Variants in LMBRD2 observed in about 807,000 individuals in gnomAD.
The protein encoded by LMBRD2 is G protein-coupled receptor-associated protein LMBRD2.
Under a neutral mutation model 94.4 loss-of-function variants are expected in LMBRD2, and 55 were observed. The observed-to-expected ratio is 0.58, with a 90% CI of 0.47 to 0.73. The LOEUF (loss-of-function observed/expected upper bound fraction) is 0.73, where lower values mean the gene tolerates loss of function less well. Among genes scored for constraint, LMBRD2 ranks in the 30% least tolerant of loss-of-function variants. The pLI, the probability that LMBRD2 is intolerant of heterozygous loss-of-function variation, is 0.00. For synonymous variants in LMBRD2, 246 were observed against 272.4 expected, an observed-to-expected ratio of 0.90 and a Z score of 0.95; for missense variants, 640 against 831.9, an observed-to-expected ratio of 0.77 and a Z score of 2.84.
intron 5 of LMBRD2, 75 bp downstream of exon 5, chr5:36,137,199 C>T: frequency 1.0e-6 from 1 of 954,532 alleles, no homozygotes; most frequent in Non-Finnish European, 1.5e-6. Flanking sequence ...TTTACCTGCA[C>T]ATATGAAATT....
At chr5:36,117,223 C>A (rs1032754739) in intron 10 of LMBRD2, among the ~76,000 whole-genome samples, 1 of 152,100 alleles carries the variant, frequency 6.6e-6, no homozygotes, top group Non-Finnish European at 1.5e-5. Flanking sequence ...ATTCCCAGGG[C>A]CAAGTGTGAT....
intron 1 of LMBRD2, chr5:36,148,059 C>A: frequency 1.1e-5 from 2 of 187,928 alleles, no homozygotes; most frequent in Non-Finnish European, 2.5e-5. Flanking sequence ...AACTCAAAAT[C>A]CTAATTATGA....
chr5:36,104,229 A>G, intron 17 of LMBRD2, 123 bp from the exon 18 acceptor site: 1 of 708,962 alleles, frequency 1.4e-6, no homozygotes, highest in Non-Finnish European at 2.5e-6. Context: ...TCTAGTCAGT[A>G]GCTGAAAGCA....
intron 9 of LMBRD2, among the ~76,000 whole-genome samples, chr5:36,118,835 A>T (rs1490511067): frequency 6.6e-6 from 1 of 151,806 alleles, no homozygotes; most frequent in Non-Finnish European, 1.5e-5. Context: ...TATTTTTATT[A>T]GACACGTGCC....
rs1214896629 is a variant in LMBRD2, at chr5:36,104,043, ACTTTAAACATCATTAAATATGT to A, written c.2069_*2del. 1 of 1,608,980 alleles carries A rather than the reference ACTTTAAACATCATTAAATATGT, an allele frequency of 6.2e-7. No individual in the cohort carries two copies. On this transcript the variant is annotated stop_lost and 3_prime_UTR_variant, in exon 18 of 18. Coordinates refer to ENST00000296603, the MANE Select transcript of LMBRD2 (RefSeq NM_001007527.2). ...TTAGTGGTCCCACAAACTTTTTCAG[ACTTTAAACATCATTAAATATGT>A]CACTGCGAGACATCGAGAGATATCG...
At chr5:36,143,503 C>G (rs1744466601) in intron 1 of LMBRD2, 97 bp from the exon 2 acceptor site, 1 of 484,162 alleles carries the variant, frequency 2.1e-6, no homozygotes, top group Non-Finnish European at 3.6e-6. Flanking sequence ...ATACATTAAT[C>G]AACTCTTTGG....
intron 4 of LMBRD2, among the ~76,000 whole-genome samples, chr5:36,138,532 T>TG (rs1451671183): frequency 2.0e-5 from 3 of 152,186 alleles, no homozygotes; most frequent in African/African-American, 7.2e-5. Context: ...GTCAGAATCA[T>TG]GGTTACTTCT....
At chr5:36,112,013 TAC>T (rs910437884) in intron 13 of LMBRD2, among the ~76,000 whole-genome samples, 1 of 151,678 alleles carries the variant, frequency 6.6e-6, no homozygotes, top group African/African-American at 2.4e-5. Context: ...GATGTACTTC[TAC>T]ACAGAGAGGG....
chr5:36,128,967 A>G (rs1397424287), intron 6 of LMBRD2, among the ~76,000 whole-genome samples: 1 of 152,258 alleles, frequency 6.6e-6, no homozygotes, highest in African/African-American at 2.4e-5. Context: ...TGAAGAATGC[A>G]TGAGAGTATC....
At chr5:36,132,026 A>G (rs537868041) in intron 6 of LMBRD2, among the ~76,000 whole-genome samples, 3 of 152,316 alleles carry the variant, frequency 2.0e-5, no homozygotes, top group African/African-American at 7.2e-5. Flanking sequence ...TTGAGTAAAA[A>G]GTGCAAAACT....
intron 2 of LMBRD2, 77 bp from the exon 3 acceptor site, chr5:36,142,676 A>C: frequency 1.2e-6 from 1 of 807,830 alleles, no homozygotes; most frequent in African/African-American, 1.7e-5. Context: ...GAGTTTATAA[A>C]TCTATCTATC....
At chr5:36,116,986 C>G (rs931664118) in intron 10 of LMBRD2, among the ~76,000 whole-genome samples, 1 of 152,024 alleles carries the variant, frequency 6.6e-6, no homozygotes, top group African/African-American at 2.4e-5. Context: ...GCCTTCATTT[C>G]TAGCTAACAT....
intron 1 of LMBRD2, among the ~76,000 whole-genome samples, chr5:36,149,736 G>A (rs1284412787): frequency 2.0e-5 from 3 of 152,060 alleles, no homozygotes; most frequent in Admixed American, 6.6e-5. Context: ...CAGAAACCCC[G>A]TCTCCACTAA....
intron 1 of LMBRD2, among the ~76,000 whole-genome samples, chr5:36,148,349 G>A (rs1257362401): frequency 3.3e-5 from 5 of 151,960 alleles, no homozygotes; most frequent in Non-Finnish European, 7.4e-5. Flanking sequence ...AAGCCCCTGA[G>A]GACAGTGGCA....
At chr5:36,131,585 C>G (rs1434854705) in intron 6 of LMBRD2, among the ~76,000 whole-genome samples, 1 of 152,036 alleles carries the variant, frequency 6.6e-6, no homozygotes, top group Non-Finnish European at 1.5e-5. Flanking sequence ...TTGGAAAAAC[C>G]TAAAAACTCC....
At chr5:36,121,953 G>T (rs1373104438) in intron 9 of LMBRD2, among the ~76,000 whole-genome samples, 8 of 152,056 alleles carry the variant, frequency 5.3e-5, no homozygotes, top group Non-Finnish European at 8.8e-5. Context: ...TGATGAAATT[G>T]CCTAACAATA....
intron 15 of LMBRD2, among the ~76,000 whole-genome samples, chr5:36,109,506 C>G (rs1355186354): frequency 6.6e-6 from 1 of 151,740 alleles, no homozygotes; most frequent in African/African-American, 2.4e-5. Flanking sequence ...TCATTTTTTG[C>G]CTTTTCATTT....
In LMBRD2 at chr5:36,100,143, TAAGAA is replaced by T. The variant is rs1483447674; in HGVS notation, c.*3898_*3902del. On this transcript the variant is annotated 3_prime_UTR_variant, in exon 18 of 18. Transcript: ENST00000296603. ...CCTTCTTATATTGTTTCAACGCTCC[TAAGAA>T]AAGTTTTGATGATGTATGTTATTAA... 7 of 152,252 alleles carry T rather than the reference TAAGAA, an allele frequency of 4.6e-5. No individual in the cohort carries two copies. In the East Asian group the frequency reaches 9.7e-4, roughly 21 times the overall value. 9.4% of individuals were successfully genotyped at this position (152,252 alleles called of 1,614,324 possible).
chr5:36,109,810 TC>T (rs1201809499), intron 15 of LMBRD2, 134 bp downstream of exon 15: 1 of 660,844 alleles, frequency 1.5e-6, no homozygotes, highest in African/African-American at 1.8e-5. Context: ...AAATTCCCTT[TC>T]TTTAAAAATA....
Sources: gnomAD v4.1 joint callset for allele counts (sites outside exome capture counted in the v4.1 genomes callset) on GRCh38, gnomAD v4.1.1 for gene constraint, MANE v1.5 for transcripts, NCBI Gene and HGNC (gene_info 2026-07-23, HGNC 2026-07-21) for gene names.